TAOK1: variants seen among roughly 807,000 people sequenced by gnomAD.
TAOK1 encodes the protein TAO kinase 1, also known as serine/threonine-protein kinase TAO1.
Under a neutral mutation model 138.3 loss-of-function variants are expected in TAOK1, and 21 were observed. The ratio of observed to expected loss-of-function variants is 0.15; its 90% CI spans 0.11 to 0.22. The LOEUF (loss-of-function observed/expected upper bound fraction) is 0.22, where lower values mean the gene tolerates loss of function less well. Among genes scored for constraint, TAOK1 ranks in the 10% least tolerant of loss-of-function variants. TAOK1 has a pLI of 1.00. For synonymous variants in TAOK1, 361 were observed against 398.4 expected (o/e 0.91, Z 1.12); for missense variants, 651 against 1,227.7 (o/e 0.53, Z 7.02).
intron 18 of TAOK1, 141 bp downstream of exon 18, chr17:29,530,760 TC>T: frequency 1.4e-6 from 1 of 699,866 alleles, no homozygotes; most frequent in Non-Finnish European, 2.5e-6. Context: ...TTCATTTTCT[TC>T]CTGTTCTCAA....
chr17:29,492,232 G>A (rs1414590331), intron 10 of TAOK1, among the ~76,000 whole-genome samples: 1 of 152,086 alleles, frequency 6.6e-6, no homozygotes, highest in Non-Finnish European at 1.5e-5. Flanking sequence ...TAAAGAATGT[G>A]TTTTATTATT....
chr17:29,439,502 C>A (rs978475983), intron 1 of TAOK1, among the ~76,000 whole-genome samples: 1 of 151,976 alleles, frequency 6.6e-6, no homozygotes, highest in African/African-American at 2.4e-5. Flanking sequence ...CGTGCCCAGC[C>A]GATAATGCCT....
chr17:29,545,943 T>C lies in TAOK1; in HGVS notation c.*2921T>C, dbSNP rs149869879. On this transcript the variant is annotated 3_prime_UTR_variant, in exon 20 of 20. Coordinates refer to ENST00000261716, the MANE Select transcript of TAOK1 (RefSeq NM_020791.4). ...CAGAGGCTGGCTGTAAAAAGTTCCTTGGGGTCACTCTATCTCACATTTTTT... is the reference window on the plus strand; with the variant it reads ...CAGAGGCTGGCTGTAAAAAGTTCCTCGGGGTCACTCTATCTCACATTTTTT... 48 of 152,214 alleles carry C rather than the reference T, an allele frequency of 3.2e-4. No individual in the cohort carries two copies. The East Asian group carries it at 7.7e-3, about 24-fold the overall frequency. 9.4% of individuals were successfully genotyped at this position (152,214 alleles called of 1,614,324 possible).
At chr17:29,410,245 T>G (rs1047029869) in intron 1 of TAOK1, among the ~76,000 whole-genome samples, 1 of 152,056 alleles carries the variant, frequency 6.6e-6, no homozygotes, top group Non-Finnish European at 1.5e-5. Context: ...CATGTATAGC[T>G]CTTAGTTTTG....
chr17:29,481,934 T>C (rs1645668239), intron 7 of TAOK1, among the ~76,000 whole-genome samples: 1 of 152,156 alleles, frequency 6.6e-6, no homozygotes, highest in Non-Finnish European at 1.5e-5. Context: ...CACTCCAGCC[T>C]GGGTGACAGA....
chr17:29,487,282 A>T (rs2031192929), intron 8 of TAOK1, among the ~76,000 whole-genome samples: 1 of 149,414 alleles, frequency 6.7e-6, no homozygotes, highest in Non-Finnish European at 1.5e-5. Flanking sequence ...AAAAGTATTA[A>T]GGATAATGAG....
At chr17:29,443,824 A>G (rs2030007342) in intron 1 of TAOK1, among the ~76,000 whole-genome samples, 1 of 152,200 alleles carries the variant, frequency 6.6e-6, no homozygotes. Flanking sequence ...ATATTTTTAA[A>G]CCTGATCTAG....
At chr17:29,489,611 AC>A (rs1183007175) in intron 8 of TAOK1, 52 bp from the exon 9 acceptor site, 19 of 1,176,350 alleles carry the variant, frequency 1.6e-5, no homozygotes, top group African/African-American at 1.4e-4. Context: ...CGTGCCCAGG[AC>A]TTGAGTACCC....
At position 29,545,461 on chromosome 17, in the gene TAOK1, A is replaced by G. The variant is rs1353940790; in HGVS notation, c.*2439A>G. 2 of 152,208 alleles carry G rather than the reference A, an allele frequency of 1.3e-5. No homozygotes were observed. The highest frequency in any genetic ancestry group is 2.9e-5 in the Non-Finnish European group (2 of 68,038). The allele number at this position is 152,208 out of a possible 1,614,324, so 9.4% of individuals were successfully genotyped here. A position where few individuals can be genotyped will look rare whatever the true frequency, so the allele number is the denominator to read the frequency against. Reference sequence around the variant, plus strand: ...TATTGGTGGTACATTTTAAAGTCCAATTGTGGACTTAAATTAGTCAAATTG... The same window carrying G: ...TATTGGTGGTACATTTTAAAGTCCAGTTGTGGACTTAAATTAGTCAAATTG... On this transcript the variant is annotated 3_prime_UTR_variant, in exon 20 of 20. Coordinates refer to ENST00000261716, the MANE Select transcript of TAOK1 (RefSeq NM_020791.4).
intron 16 of TAOK1, among the ~76,000 whole-genome samples, chr17:29,518,227 C>A (rs780937129): frequency 6.6e-6 from 1 of 152,140 alleles, no homozygotes; most frequent in Non-Finnish European, 1.5e-5. Flanking sequence ...GTAATCCGAA[C>A]ACTTTGGGAG....
At chr17:29,418,033 G>A (rs1567712746) in intron 1 of TAOK1, among the ~76,000 whole-genome samples, 2 of 151,946 alleles carry the variant, frequency 1.3e-5, no homozygotes, top group South Asian at 2.1e-4. Context: ...GATCACAGGC[G>A]CACACCACCA....
chr17:29,471,161 A>AATAT (rs113334146), intron 3 of TAOK1, among the ~76,000 whole-genome samples: 3,032 of 149,036 alleles, frequency 0.02, 47 homozygotes, highest in Non-Finnish European at 0.025. Flanking sequence ...TCATCTAAAA[A>AATAT]ATATATATAT....
At chr17:29,415,739 T>C (rs1436137955) in intron 1 of TAOK1, among the ~76,000 whole-genome samples, 3 of 152,192 alleles carry the variant, frequency 2.0e-5, no homozygotes, top group Non-Finnish European at 4.4e-5. Context: ...TTCTGTATAA[T>C]TAAGTGCCAA....
chr17:29,436,139 A>G (rs1598480480), intron 1 of TAOK1, among the ~76,000 whole-genome samples: 1 of 152,210 alleles, frequency 6.6e-6, no homozygotes, highest in Non-Finnish European at 1.5e-5. Flanking sequence ...TCAAAAATAA[A>G]TAAGTAAAAA....
rs1322576884 is a variant in TAOK1, at chr17:29,463,528, G to A, written c.133-3617G>A. ...GGAGGTTGCAGTGAGCCGAGATTGC[G>A]CCACCGCACTCCAGCCTGGGTGACA... On this transcript the variant is annotated intron_variant, in intron 2 of 19. Transcript: ENST00000261716. Among the ~76,000 whole-genome samples the A allele has an allele frequency of 4.0e-5, 6 of 149,820 alleles. No individual in the cohort carries two copies. In the East Asian group the frequency reaches 1.2e-3, roughly 30 times the overall value.
At chr17:29,515,866 C>T (rs1671029199) in intron 15 of TAOK1, among the ~76,000 whole-genome samples, 1 of 151,966 alleles carries the variant, frequency 6.6e-6, no homozygotes, top group Admixed American at 6.6e-5. Context: ...ATACCACTTG[C>T]CTTCTAGAGG....
chr17:29,540,712 A>C (rs2032301214), intron 19 of TAOK1, among the ~76,000 whole-genome samples: 1 of 152,230 alleles, frequency 6.6e-6, no homozygotes, highest in Non-Finnish European at 1.5e-5. Flanking sequence ...CTGGGATTAC[A>C]GGCATGTGCC....
At chr17:29,463,228 T>C (rs1950249634) in intron 2 of TAOK1, among the ~76,000 whole-genome samples, 1 of 152,150 alleles carries the variant, frequency 6.6e-6, no homozygotes, top group Admixed American at 6.6e-5. Context: ...TTTTTTGCTT[T>C]GTAAATGCAA....
At chr17:29,485,903 T>C (rs2031163060) in intron 8 of TAOK1, among the ~76,000 whole-genome samples, 1 of 152,246 alleles carries the variant, frequency 6.6e-6, no homozygotes, top group Non-Finnish European at 1.5e-5. Flanking sequence ...TTTGGAGGTA[T>C]TAATTTTACA....
Sources: allele counts gnomAD v4.1 joint callset (sites outside exome capture counted in the v4.1 genomes callset), GRCh38; gene constraint gnomAD v4.1.1; transcripts MANE v1.5; gene names NCBI Gene and HGNC (gene_info 2026-07-23, HGNC 2026-07-21).